Variants in SORCS1 observed in about 807,000 individuals in gnomAD.
SORCS1 encodes the protein sortilin related VPS10 domain containing receptor 1, also known as VPS10 domain-containing receptor SorCS1.
In SORCS1, 60 loss-of-function variants were observed where a neutral mutation model predicts 146.1. The ratio of observed to expected loss-of-function variants is 0.41; its 90% CI spans 0.33 to 0.51. SORCS1 has a LOEUF of 0.51. SORCS1 is among the 20% of genes least tolerant of loss of function. The probability of loss-of-function intolerance (pLI) is 0.21; values close to 1 mark genes in which losing one functional copy is unlikely to be tolerated. For synonymous variants in SORCS1, 637 were observed against 584.0 expected (o/e 1.09, Z -1.31); for missense variants, 1,352 against 1,487.6 (o/e 0.91, Z 1.50).
rs1469129565 is a variant in SORCS1, at chr10:106,618,155, C to T, written c.2914G>A (p.Val972Ile). The T allele has an allele frequency of 1.9e-6, 3 of 1,614,082 alleles. No homozygotes were observed. The highest frequency in any genetic ancestry group is 1.7e-6 in the Non-Finnish European group (2 of 1,179,932). ...AILQDTKTIA[V>I]YEEFRSLRLS... is the part of the protein sequence containing the mutation. ...CACTGAGATGGGCACTCACCATATA[C>T]TGCGATGGTCTTTGTGTCTTGTAGG... is the stretch of plus-strand genomic sequence containing the variant. The change falls in exon 21 of 26, where the codon GTA becomes ATA. Residue 972 changes from valine (V) to isoleucine (I), a missense_variant. Val to Ile is a conservative substitution (Grantham distance 29). Coordinates refer to ENST00000263054, the MANE Select transcript of SORCS1 (RefSeq NM_052918.5).
In SORCS1 at chr10:106,960,895, C is replaced by G. The variant is rs1955192252; in HGVS notation, c.559-4315G>C. Among the ~76,000 whole-genome samples, 1 of 152,128 alleles carries G rather than the reference C, an allele frequency of 6.6e-6. No homozygotes were observed. Among genetic ancestry groups the G allele is most frequent in the Non-Finnish European group, 1.5e-5 (1 of 68,030 alleles). ...GAGCCACATTTTCATAACCCGGGCT[C>G]CCAAACTATTAGTGACCCTTTGCTC... On this transcript the variant is annotated intron_variant, in intron 1 of 25. Transcript: ENST00000263054. This position sits in a 1 kb window ranked among gnomAD's most constrained non-coding sequence, Gnocchi z 4.4.
intron 10 of SORCS1, among the ~76,000 whole-genome samples, chr10:106,682,203 G>A (rs189989908): frequency 6.6e-6 from 1 of 152,218 alleles, no homozygotes; most frequent in Non-Finnish European, 1.5e-5. Context: ...AAGAAAAGAT[G>A]TCATTTTTCC....
intron 2 of SORCS1, among the ~76,000 whole-genome samples, chr10:106,943,313 T>A (rs1018025488): frequency 6.6e-6 from 1 of 152,086 alleles, no homozygotes; most frequent in Non-Finnish European, 1.5e-5. Flanking sequence ...GAACTGGGGA[T>A]CTCCTCAGTT....
intron 18 of SORCS1, among the ~76,000 whole-genome samples, chr10:106,648,749 C>T (rs1283733359): frequency 6.6e-6 from 1 of 152,142 alleles, no homozygotes; most frequent in East Asian, 1.9e-4. Flanking sequence ...TGGTCCCTGG[C>T]TAGGGCTCCA....
intron 3 of SORCS1, among the ~76,000 whole-genome samples, chr10:106,787,967 AAGAC>A (rs1391972434): frequency 6.6e-6 from 1 of 152,234 alleles, no homozygotes; most frequent in Non-Finnish European, 1.5e-5. Context: ...GATCATATGA[AAGAC>A]AGTTCATAGA....
chr10:107,061,338 T>C (rs1961209314), intron 1 of SORCS1, among the ~76,000 whole-genome samples: 1 of 152,104 alleles, frequency 6.6e-6, no homozygotes, highest in African/African-American at 2.4e-5. Context: ...AAACTACATA[T>C]CTAATTAAAA....
At chr10:106,955,570 T>C (rs1564850853) in intron 2 of SORCS1, among the ~76,000 whole-genome samples, 1 of 152,246 alleles carries the variant, frequency 6.6e-6, no homozygotes, top group East Asian at 1.9e-4. Context: ...ATCATTTCCA[T>C]ACTCTATATG....
chr10:107,155,078 T>C (rs982093727), intron 1 of SORCS1, among the ~76,000 whole-genome samples: 6 of 152,196 alleles, frequency 3.9e-5, no homozygotes, highest in Non-Finnish European at 7.3e-5. Flanking sequence ...TGGACAGCCA[T>C]GGAAGATAAT....
chr10:106,682,072 T>G (rs1430424130), intron 10 of SORCS1, among the ~76,000 whole-genome samples: 1 of 152,042 alleles, frequency 6.6e-6, no homozygotes, highest in Non-Finnish European at 1.5e-5. Context: ...AGGTTGCAGT[T>G]AGCCAAGATC....
At chr10:107,045,972 G>C (rs1057263896) in intron 1 of SORCS1, among the ~76,000 whole-genome samples, 1 of 151,494 alleles carries the variant, frequency 6.6e-6, no homozygotes, top group Non-Finnish European at 1.5e-5. Context: ...TTTTGAAACG[G>C]AGTCTTGCTC....
chr10:107,124,717 T>A (rs1022766922), intron 1 of SORCS1, among the ~76,000 whole-genome samples: 2 of 151,670 alleles, frequency 1.3e-5, no homozygotes, highest in Non-Finnish European at 2.9e-5. Context: ...AAGAACAAAA[T>A]CAAAAGTGAA....
chr10:106,795,525 G>A (rs1450342431), intron 3 of SORCS1, among the ~76,000 whole-genome samples: 1 of 152,102 alleles, frequency 6.6e-6, no homozygotes, highest in Non-Finnish European at 1.5e-5. Flanking sequence ...GGAACACTGA[G>A]GACTAGACCA....
chr10:107,125,444 A>G (rs1184857616), intron 1 of SORCS1, among the ~76,000 whole-genome samples: 1 of 152,162 alleles, frequency 6.6e-6, no homozygotes, highest in African/African-American at 2.4e-5. Flanking sequence ...GCTTGATCTG[A>G]CCAGGAAGGC....
At chr10:106,904,555 G>A (rs1889959) in intron 2 of SORCS1, among the ~76,000 whole-genome samples, 76,175 of 152,002 alleles carry the variant, frequency 0.5, 20,587 homozygotes, top group African/African-American at 0.72. Context: ...TGAGACTTGG[G>A]ATAGATCATT....
chr10:106,692,039 T>C (rs573708899), intron 9 of SORCS1, among the ~76,000 whole-genome samples: 50 of 152,142 alleles, frequency 3.3e-4, no homozygotes, highest in African/African-American at 1.2e-3. Flanking sequence ...CAAAGAACCC[T>C]GTTTGTTTGT....
At chr10:106,649,336 C>T (rs1849689309) in intron 18 of SORCS1, among the ~76,000 whole-genome samples, 1 of 152,162 alleles carries the variant, frequency 6.6e-6, no homozygotes, top group Non-Finnish European at 1.5e-5. Flanking sequence ...CTGCAGCCTG[C>T]CCCTGTATGC....
At chr10:106,943,537 G>C (rs910397834) in intron 2 of SORCS1, among the ~76,000 whole-genome samples, 1 of 152,146 alleles carries the variant, frequency 6.6e-6, no homozygotes, top group Non-Finnish European at 1.5e-5. Context: ...GCCAGGTGCA[G>C]TGGCTCACAC....
intron 2 of SORCS1, among the ~76,000 whole-genome samples, chr10:106,850,431 G>A (rs1283650220): frequency 2.6e-5 from 4 of 152,000 alleles, no homozygotes; most frequent in East Asian, 1.9e-4. Flanking sequence ...GCAATGCCTC[G>A]CCCTGCTTCG....
intron 1 of SORCS1, among the ~76,000 whole-genome samples, chr10:107,123,518 T>C (rs1966522974): frequency 6.6e-6 from 1 of 152,096 alleles, no homozygotes; most frequent in Non-Finnish European, 1.5e-5. Flanking sequence ...ACACAATAAA[T>C]AGAATGTATC....
Sources: allele counts gnomAD v4.1 joint callset (sites outside exome capture counted in the v4.1 genomes callset), GRCh38; gene constraint gnomAD v4.1.1; non-coding constraint Gnocchi (gnomAD v3.1); transcripts MANE v1.5; gene names NCBI Gene and HGNC (gene_info 2026-07-23, HGNC 2026-07-21).